Variants in ATRNL1 observed in about 807,000 individuals in gnomAD.
The protein encoded by ATRNL1 is attractin like 1, also known as attractin-like protein 1.
In ATRNL1, 95 loss-of-function variants were observed where a neutral mutation model predicts 182.7. The observed-to-expected ratio is 0.52, with a 90% CI of 0.44 to 0.62. The LOEUF is 0.62. Among genes scored for constraint, ATRNL1 ranks in the 20% least tolerant of loss-of-function variants. The pLI, the probability that ATRNL1 is intolerant of heterozygous loss-of-function variation, is 0.00. For missense variants in ATRNL1, 1,471 were observed against 1,679.5 expected, an observed-to-expected ratio of 0.88 and a Z score of 2.17; for synonymous variants, 576 against 568.3, an observed-to-expected ratio of 1.01 and a Z score of -0.19.
intron 24 of ATRNL1, among the ~76,000 whole-genome samples, chr10:115,493,419 A>T (rs1849404108): frequency 1.3e-5 from 2 of 152,198 alleles, no homozygotes; most frequent in South Asian, 4.1e-4. Flanking sequence ...CTTCAGCTCC[A>T]TTCATGTTGC....
intron 27 of ATRNL1, among the ~76,000 whole-genome samples, chr10:115,805,822 T>C (rs782750901): frequency 2.0e-5 from 3 of 152,124 alleles, no homozygotes; most frequent in Non-Finnish European, 4.4e-5. Flanking sequence ...TTAAATCATG[T>C]CAGAAAACTC....
chr10:115,452,496 C>T (rs1847326670), intron 21 of ATRNL1, among the ~76,000 whole-genome samples: 1 of 151,902 alleles, frequency 6.6e-6, no homozygotes, highest in African/African-American at 2.4e-5. Context: ...GTTCCTGTGC[C>T]ATTTATTGCA....
chr10:115,163,409 G>A (rs1327164197), intron 6 of ATRNL1, among the ~76,000 whole-genome samples: 2 of 149,844 alleles, frequency 1.3e-5, no homozygotes, highest in Non-Finnish European at 3.0e-5. Flanking sequence ...TGTCACCCAG[G>A]CTGGAGTGCA....
Position 115,230,870 on chromosome 10 carries a change from TGAGAGAGAGAGAGAGAGA to T in ATRNL1, c.1533-10666_1533-10649del, listed in dbSNP as rs1169884107. 9.1e-3 allele frequency among the ~76,000 whole-genome samples: 760 copies of T among 83,764 alleles called. 6 individuals are homozygous for T. The highest frequency in any genetic ancestry group is 0.023 in the South Asian group (55 of 2,378). 55.0% of individuals were successfully genotyped at this position (83,764 alleles called of 152,430 possible). ...ACTAGGGGACTGGATATAGAGTGGA[TGAGAGAGAGAGAGAGAGA>T]GAGAGAGAGAGAGAGAGAGAGAGAG... On this transcript the variant is annotated intron_variant, in intron 9 of 28. Coordinates refer to ENST00000355044, the MANE Select transcript of ATRNL1 (RefSeq NM_207303.4).
intron 13 of ATRNL1, among the ~76,000 whole-genome samples, chr10:115,280,360 A>G (rs558835558): frequency 2.6e-5 from 4 of 152,340 alleles, no homozygotes; most frequent in Admixed American, 2.6e-4. Context: ...CATAATAAGC[A>G]TGTTATCTTC....
rs1851811108 is a variant in ATRNL1, at chr10:115,270,443, A to G, written c.2100+1999A>G. Among the ~76,000 whole-genome samples, 3 of 145,872 alleles carry G rather than the reference A, an allele frequency of 2.1e-5. No individual in the cohort carries two copies. In the South Asian group the frequency reaches 6.3e-4, roughly 31 times the overall value. On this transcript the variant is annotated intron_variant, in intron 13 of 28. Transcript: ENST00000355044. Reference sequence around the variant, plus strand: ...TATATTTGTTTATATATAATCTATAATATATGTGTATATATATATATAAAA... The same window carrying G: ...TATATTTGTTTATATATAATCTATAGTATATGTGTATATATATATATAAAA...
At chr10:115,836,837 T>A (rs921072694) in intron 27 of ATRNL1, among the ~76,000 whole-genome samples, 5 of 152,198 alleles carry the variant, frequency 3.3e-5, no homozygotes, top group Admixed American at 1.3e-4. Context: ...AAGATCTGCT[T>A]CCCAGTTGAT....
rs531514638 is a variant in ATRNL1, at chr10:115,620,297, T to A, written c.3795+70761T>A. 6.2e-4 allele frequency among the ~76,000 whole-genome samples: 95 copies of A among 152,180 alleles called. 1 individual carries two copies. Among genetic ancestry groups the A allele is most frequent in the African/African-American group, 2.1e-3 (87 of 41,520 alleles). ...TTACCTCAGGAATGACACCAAGCCG[T>A]TCATGAAGGTTCCATCCTCATGACC... On this transcript the variant is annotated intron_variant, in intron 26 of 28. Coordinates refer to ENST00000355044, the MANE Select transcript of ATRNL1 (RefSeq NM_207303.4).
At chr10:115,739,124 A>G (rs1444555361) in intron 27 of ATRNL1, among the ~76,000 whole-genome samples, 1 of 152,170 alleles carries the variant, frequency 6.6e-6, no homozygotes, top group Non-Finnish European at 1.5e-5. Context: ...GCAACAACAA[A>G]AAACTGGTTT....
Position 115,279,182 on chromosome 10 carries a change from A to G in ATRNL1, c.2101-2173A>G, listed in dbSNP as rs193244266. Among the ~76,000 whole-genome samples the G allele has an allele frequency of 9.4e-4, 142 of 151,204 alleles. No individual in the cohort carries two copies. The East Asian group carries it at 0.025, about 26-fold the overall frequency. On this transcript the variant is annotated intron_variant, in intron 13 of 28. Coordinates refer to ENST00000355044, the MANE Select transcript of ATRNL1 (RefSeq NM_207303.4). ...GCACCACTGCACTCCAGCCTGGGCG[A>G]CAGAGCAAGACTCTGTCTCAAAAAA...
At chr10:115,106,016 C>T (rs1436628907) in intron 1 of ATRNL1, among the ~76,000 whole-genome samples, 1 of 152,134 alleles carries the variant, frequency 6.6e-6, no homozygotes, top group African/African-American at 2.4e-5. Context: ...TGCTCCTACA[C>T]CTTGCACCAT....
chr10:115,444,856 T>C (rs1220310237), intron 21 of ATRNL1, among the ~76,000 whole-genome samples: 1 of 151,736 alleles, frequency 6.6e-6, no homozygotes, highest in Admixed American at 6.6e-5. Flanking sequence ...CTCAGCCTCC[T>C]GAGAAGCTGG....
chr10:115,934,374 T>G (rs1555122372), intron 28 of ATRNL1, among the ~76,000 whole-genome samples: 1 of 152,226 alleles, frequency 6.6e-6, no homozygotes, highest in Non-Finnish European at 1.5e-5. Flanking sequence ...ATTCTGCATC[T>G]CTGGCATAGA....
At chr10:115,361,496 G>A (rs185932528) in intron 19 of ATRNL1, among the ~76,000 whole-genome samples, 6 of 152,008 alleles carry the variant, frequency 3.9e-5, no homozygotes, top group Admixed American at 2.0e-4. Context: ...GAGAATACAT[G>A]TATGTGTACA....
At chr10:115,646,036 TACACACACACACACAC>T (rs58679995) in intron 26 of ATRNL1, among the ~76,000 whole-genome samples, 2 of 141,664 alleles carry the variant, frequency 1.4e-5, no homozygotes, top group African/African-American at 5.2e-5. Context: ...TTTTAAAATT[TACACACACACACACAC>T]ACACACACAC....
At chr10:115,668,029 G>T (rs1257762359) in intron 26 of ATRNL1, among the ~76,000 whole-genome samples, 1 of 152,034 alleles carries the variant, frequency 6.6e-6, no homozygotes, top group Non-Finnish European at 1.5e-5. Flanking sequence ...ATGGAGATGA[G>T]ACTTGATGGG....
At chr10:115,375,350 G>A (rs1857615954) in intron 19 of ATRNL1, among the ~76,000 whole-genome samples, 1 of 151,626 alleles carries the variant, frequency 6.6e-6, no homozygotes, top group East Asian at 1.9e-4. Context: ...CACTTTCTAT[G>A]TATGCCTTTA....
At chr10:115,269,516 T>A (rs1851750451) in intron 13 of ATRNL1, among the ~76,000 whole-genome samples, 1 of 151,982 alleles carries the variant, frequency 6.6e-6, no homozygotes, top group Admixed American at 6.6e-5. Context: ...TATATTTTAG[T>A]AGAGACAGGG....
intron 28 of ATRNL1, among the ~76,000 whole-genome samples, chr10:115,914,690 C>G (rs112579764): frequency 2.6e-5 from 4 of 152,186 alleles, no homozygotes; most frequent in Admixed American, 2.6e-4. Flanking sequence ...CTGTTTCTTA[C>G]GGTTGACTGG....
Sources: gnomAD v4.1 joint callset for allele counts (sites outside exome capture counted in the v4.1 genomes callset) on GRCh38, gnomAD v4.1.1 for gene constraint, MANE v1.5 for transcripts, NCBI Gene and HGNC (gene_info 2026-07-23, HGNC 2026-07-21) for gene names.